The following SDHA variants were observed in gnomAD, a reference collection of about 807,000 sequenced individuals.
SDHA encodes the protein succinate dehydrogenase complex flavoprotein subunit A, also known as succinate dehydrogenase [ubiquinone] flavoprotein subunit, mitochondrial.
A neutral mutation model predicts 78.4 loss-of-function variants in SDHA; 48 were observed. The ratio of observed to expected loss-of-function variants is 0.61; its 90% confidence interval spans 0.49 to 0.78. SDHA has a LOEUF of 0.78. SDHA is among the 30% of genes least tolerant of loss of function. SDHA has a pLI of 0.00. For synonymous variants in SDHA, 326 were observed against 353.9 expected, an observed-to-expected ratio of 0.92 and a Z score of 0.88; for missense variants, 680 against 892.7, an observed-to-expected ratio of 0.76 and a Z score of 3.04.
chr5:249,047 T>C (rs1736650895), intron 11 of SDHA: 1 of 407,206 alleles, frequency 2.5e-6, no homozygotes, highest in Non-Finnish European at 4.7e-6. Flanking sequence ...TCTTTGGATA[T>C]TGCAAAATTG....
intron 11 of SDHA, among the ~76,000 whole-genome samples, chr5:245,416 CCTG>C (rs1214853798): frequency 6.6e-6 from 1 of 152,224 alleles, no homozygotes; most frequent in Non-Finnish European, 1.5e-5. Context: ...CAACCTGCAG[CCTG>C]CTAAGCGTTT....
chr5:263,487 C>T, the SDHA span, among the ~76,000 whole-genome samples: 279 of 152,242 alleles, frequency 1.8e-3, no homozygotes, highest in African/African-American at 6.4e-3. Flanking sequence ...CAGAGGGTGT[C>T]GAGAATGCCT....
intron 13 of SDHA, among the ~76,000 whole-genome samples, chr5:253,362 C>T (rs1179026653): frequency 8.5e-5 from 13 of 152,180 alleles, no homozygotes; most frequent in Non-Finnish European, 1.5e-4. Context: ...GCTCTTGTCT[C>T]CTTGTATGTA....
chr5:238,893 A>G (rs1487636656), intron 10 of SDHA, among the ~76,000 whole-genome samples: 2 of 150,918 alleles, frequency 1.3e-5, no homozygotes, highest in Admixed American at 1.3e-4. Flanking sequence ...CCTGGAAGGC[A>G]GAGGTTGCAG....
At chr5:243,641 T>G (rs10066185) in intron 11 of SDHA, among the ~76,000 whole-genome samples, 36,476 of 151,942 alleles carry the variant, frequency 0.24, 6,768 homozygotes, top group African/African-American at 0.52. Context: ...TACGCTGATT[T>G]TATAGCTCGG....
chr5:230,366 C>G (rs1735316870), intron 6 of SDHA, among the ~76,000 whole-genome samples: 1 of 152,140 alleles, frequency 6.6e-6, no homozygotes, highest in African/African-American at 2.4e-5. Context: ...GTGGCTCACG[C>G]CTGTAATCCC....
At chr5:254,940 G>A (rs1357404911) in intron 14 of SDHA, among the ~76,000 whole-genome samples, 14 of 152,030 alleles carry the variant, frequency 9.2e-5, no homozygotes, top group African/African-American at 1.2e-4. Flanking sequence ...AACTGGAAGC[G>A]TCTGCAGGGG....
intron 1 of SDHA, among the ~76,000 whole-genome samples, chr5:221,722 G>A (rs1734727969): frequency 6.6e-6 from 1 of 152,070 alleles, no homozygotes; most frequent in Non-Finnish European, 1.5e-5. Flanking sequence ...AACTAGTTTT[G>A]AGTTTTATCT....
intron 9 of SDHA, chr5:236,211 G>C: frequency 1.7e-6 from 1 of 591,272 alleles, no homozygotes; most frequent in Non-Finnish European, 3.1e-6. Context: ...TTTTAGTAGA[G>C]ATGGGGTTTC....
At chr5:263,329 C>T in the SDHA span, among the ~76,000 whole-genome samples, 329 of 152,198 alleles carry the variant, frequency 2.2e-3, no homozygotes, top group African/African-American at 7.4e-3. Flanking sequence ...GAGAACAACA[C>T]ATCACACACA....
intron 6 of SDHA, among the ~76,000 whole-genome samples, chr5:229,272 A>C (rs955733795): frequency 4.6e-5 from 7 of 152,374 alleles, no homozygotes; most frequent in Admixed American, 3.3e-4. Flanking sequence ...GTATATCCAA[A>C]GGGCATGAAA....
At chr5:219,105 C>T (rs1734561778) in intron 1 of SDHA, among the ~76,000 whole-genome samples, 1 of 152,238 alleles carries the variant, frequency 6.6e-6, no homozygotes, top group African/African-American at 2.4e-5. Context: ...AAAAATGTGC[C>T]AGTGTTTAAA....
chr5:222,457 C>A (rs1339233641), intron 1 of SDHA, among the ~76,000 whole-genome samples: 1 of 151,206 alleles, frequency 6.6e-6, no homozygotes, highest in Admixed American at 6.6e-5. Flanking sequence ...AAGCGATTCT[C>A]CTGCCTCAGC....
chr5:224,378 G>T lies in SDHA; in HGVS notation c.169G>T (p.Val57Leu), dbSNP rs1060503724. The change falls in exon 3 of 15, where the codon GTA becomes TTA. Residue 57 changes from valine to leucine, a missense_variant. Physicochemically the swap from Val to Leu is conservative, Grantham distance 32. Transcript: ENST00000264932. ...TTTCCAGATTTCTGCTCAGTATCCA[G>T]TAGTGGATCATGAATTTGATGCAGT... ...VSDSISAQYP[V>L]VDHEFDAVVV... 6.2e-7 allele frequency: 1 copy of T among 1,613,414 alleles called. No homozygotes were observed. Among genetic ancestry groups the T allele is most frequent in the Admixed American group, 1.7e-5 (1 of 60,028 alleles).
intron 11 of SDHA, among the ~76,000 whole-genome samples, chr5:245,460 A>G (rs760933544): frequency 7.9e-5 from 12 of 152,244 alleles, no homozygotes; most frequent in Non-Finnish European, 1.6e-4. Context: ...AAGGCATGTT[A>G]AACAGTCCAA....
chr5:246,510 GC>G (rs1261509235), intron 11 of SDHA, among the ~76,000 whole-genome samples: 2 of 152,224 alleles, frequency 1.3e-5, no homozygotes, highest in African/African-American at 4.8e-5. Context: ...GACTTGAGCT[GC>G]AGCTGATCGA....
chr5:238,042 T>C (rs1387002301), intron 10 of SDHA, among the ~76,000 whole-genome samples: 1 of 140,470 alleles, frequency 7.1e-6, no homozygotes. Flanking sequence ...AGCTGCTCTT[T>C]CTTTGAAAAT....
downstream of SDHA, among the ~76,000 whole-genome samples, chr5:258,656 G>A (rs541257875): frequency 8.9e-6 from 1 of 112,396 alleles, no homozygotes; most frequent in African/African-American, 4.9e-5. Context: ...GAGCATTACC[G>A]TGTGAGCTCC....
At chr5:233,355 G>C in intron 7 of SDHA, 122 bp from the exon 8 acceptor site, 1 of 1,007,926 alleles carries the variant, frequency 9.9e-7, no homozygotes, top group Non-Finnish European at 1.5e-6. Context: ...GTGCAGTTTT[G>C]CACATAATGC....
Sources: gnomAD v4.1 joint callset for allele counts (sites outside exome capture counted in the v4.1 genomes callset) on GRCh38, gnomAD v4.1.1 for gene constraint, MANE v1.5 for transcripts, NCBI Gene and HGNC (gene_info 2026-07-23, HGNC 2026-07-21) for gene names.